IPO11: variants seen among roughly 807,000 people sequenced by gnomAD.
IPO11 encodes importin-11.
In IPO11, 66 loss-of-function variants were observed where a neutral mutation model predicts 143.2. That is an observed-to-expected ratio of 0.46 (90% confidence interval 0.38 to 0.57). The LOEUF is 0.57. IPO11 is among the 20% of genes least tolerant of loss of function. The pLI, the probability that IPO11 is intolerant of heterozygous loss-of-function variation, is 0.00. For synonymous variants in IPO11, 385 were observed against 377.8 expected (o/e 1.02, Z -0.22); for missense variants, 1,026 against 1,141.0 (o/e 0.90, Z 1.45).
At chr5:62,416,182 CTTT>C (rs869236693) in intron 1 of IPO11, among the ~76,000 whole-genome samples, 2 of 123,500 alleles carry the variant, frequency 1.6e-5, no homozygotes, top group African/African-American at 3.0e-5. Flanking sequence ...TTTTTCTTTT[CTTT>C]TTTTTTTTTT....
chr5:62,577,391 AAATT>A (rs1306981417), intron 27 of IPO11, among the ~76,000 whole-genome samples: 1 of 152,202 alleles, frequency 6.6e-6, no homozygotes, highest in Middle Eastern at 3.2e-3. Context: ...ATAAAGAACA[AAATT>A]AATTCATACT....
At chr5:62,494,537 T>G (rs1238857569) in intron 16 of IPO11, among the ~76,000 whole-genome samples, 2 of 152,140 alleles carry the variant, frequency 1.3e-5, no homozygotes, top group Non-Finnish European at 2.9e-5. Flanking sequence ...TGGGCTCTTT[T>G]AAGGAATTTT....
At chr5:62,619,144 G>T (rs1746253494) in intron 29 of IPO11, among the ~76,000 whole-genome samples, 1 of 152,120 alleles carries the variant, frequency 6.6e-6, no homozygotes. Flanking sequence ...CAGAAGACTT[G>T]CCTGAACCCA....
At chr5:62,457,351 G>A (rs769115918) in intron 5 of IPO11, among the ~76,000 whole-genome samples, 2 of 152,082 alleles carry the variant, frequency 1.3e-5, no homozygotes, top group Non-Finnish European at 1.5e-5. Flanking sequence ...AGGCATGGTG[G>A]TGTATGTATG....
chr5:62,435,070 A>ATGTATATATG (rs1744125638), intron 1 of IPO11, among the ~76,000 whole-genome samples: 2 of 113,604 alleles, frequency 1.8e-5, no homozygotes, highest in Non-Finnish European at 3.6e-5. Context: ...ATGTATATAT[A>ATGTATATATG]TGTATATATA....
intron 29 of IPO11, among the ~76,000 whole-genome samples, chr5:62,617,577 C>A (rs1580394480): frequency 6.6e-6 from 1 of 151,892 alleles, no homozygotes; most frequent in South Asian, 2.1e-4. Context: ...AGCCATTTTA[C>A]TTTAATGACA....
intron 11 of IPO11, 60 bp downstream of exon 11, chr5:62,484,222 T>G: frequency 7.2e-7 from 1 of 1,390,714 alleles, no homozygotes; most frequent in Non-Finnish European, 9.8e-7. Flanking sequence ...AATATCTGTT[T>G]GAGTGATAGG....
At position 62,609,250 on chromosome 5, in the gene IPO11, G is replaced by A. The variant is rs186693344; in HGVS notation, c.2763+7402G>A. Among the ~76,000 whole-genome samples the A allele has an allele frequency of 2.1e-4, 32 of 152,338 alleles. No homozygotes were observed. In the East Asian group the frequency reaches 6.0e-3, roughly 28 times the overall value. On this transcript the variant is annotated intron_variant, in intron 29 of 29. Transcript: ENST00000325324. ...TCAGCAAAGTTGAAGACTTGGAAGT[G>A]ATGAGAGGCTAAAGGGTGTTCCCAT...
At chr5:62,567,787 C>T (rs2112378395) in intron 27 of IPO11, among the ~76,000 whole-genome samples, 1 of 151,808 alleles carries the variant, frequency 6.6e-6, no homozygotes, top group Non-Finnish European at 1.5e-5. Flanking sequence ...GTCTCAAACT[C>T]CTGACCTAAG....
At chr5:62,483,455 C>T (rs1746282063) in intron 10 of IPO11, 162 bp downstream of exon 10, 1 of 525,578 alleles carries the variant, frequency 1.9e-6, no homozygotes, top group African/African-American at 2.0e-5. Flanking sequence ...TATGTTTATA[C>T]TAGCTTTTAA....
chr5:62,549,462 G>C (rs568148911), intron 24 of IPO11, among the ~76,000 whole-genome samples: 11 of 152,160 alleles, frequency 7.2e-5, no homozygotes, highest in Non-Finnish European at 1.5e-4. Flanking sequence ...CCATGCATGG[G>C]ATGACTGTAA....
intron 15 of IPO11, among the ~76,000 whole-genome samples, chr5:62,493,007 A>G (rs547921361): frequency 2.0e-4 from 31 of 152,332 alleles, no homozygotes; most frequent in African/African-American, 7.5e-4. Context: ...AAATTCTTGG[A>G]CACAAATGTT....
intron 6 of IPO11, among the ~76,000 whole-genome samples, chr5:62,470,037 A>G (rs930475597): frequency 2.0e-5 from 3 of 152,214 alleles, no homozygotes; most frequent in African/African-American, 4.8e-5. Context: ...AGTAGTAACA[A>G]TAAGTCAGAA....
At chr5:62,612,231 A>C (rs1745948302) in intron 29 of IPO11, among the ~76,000 whole-genome samples, 2 of 152,210 alleles carry the variant, frequency 1.3e-5, no homozygotes, top group African/African-American at 2.4e-5. Context: ...CTGTGAGTAC[A>C]TGTTAAAAAA....
intron 1 of IPO11, among the ~76,000 whole-genome samples, chr5:62,425,070 A>G (rs904589009): frequency 8.5e-5 from 13 of 152,254 alleles, no homozygotes; most frequent in Admixed American, 6.5e-4. Flanking sequence ...TTTGAATCTC[A>G]TCTTTCTCGC....
At chr5:62,498,026 T>TG (rs1741219229) in intron 16 of IPO11, among the ~76,000 whole-genome samples, 1 of 151,456 alleles carries the variant, frequency 6.6e-6, no homozygotes, top group Non-Finnish European at 1.5e-5. Flanking sequence ...TTGTTTTTTT[T>TG]TTTTGTTGTT....
chr5:62,597,292 T>C (rs1179070276), intron 28 of IPO11, among the ~76,000 whole-genome samples: 1 of 152,208 alleles, frequency 6.6e-6, no homozygotes, highest in Non-Finnish European at 1.5e-5. Context: ...ATGGGTCTTA[T>C]TTTCAAGTAG....
chr5:62,501,263 C>T (rs1175431693), intron 16 of IPO11, among the ~76,000 whole-genome samples: 1 of 152,160 alleles, frequency 6.6e-6, no homozygotes, highest in Non-Finnish European at 1.5e-5. Flanking sequence ...CTCAAAAACA[C>T]TGCTACAGAT....
chr5:62,459,159 C>G (rs963205642), intron 5 of IPO11, among the ~76,000 whole-genome samples: 4 of 151,838 alleles, frequency 2.6e-5, no homozygotes, highest in Non-Finnish European at 5.9e-5. Flanking sequence ...AGTGTGTAGG[C>G]ATTAAGTGGC....
Sources: allele counts gnomAD v4.1 joint callset (sites outside exome capture counted in the v4.1 genomes callset), GRCh38; gene constraint gnomAD v4.1.1; transcripts MANE v1.5; gene names NCBI Gene and HGNC (gene_info 2026-07-23, HGNC 2026-07-21).